ROBO1: variants seen among roughly 807,000 people sequenced by gnomAD.
ROBO1 encodes roundabout homolog 1.
A neutral mutation model predicts 195.9 loss-of-function variants in ROBO1; 149 were observed. That is an observed-to-expected ratio of 0.76 (90% CI 0.67 to 0.87). The LOEUF (loss-of-function observed/expected upper bound fraction) is 0.87. ROBO1 is among the 40% of genes least tolerant of loss of function. The pLI, the probability that ROBO1 is intolerant of heterozygous loss-of-function variation, is 0.00. For synonymous variants in ROBO1, 816 were observed against 733.2 expected, an observed-to-expected ratio of 1.11 and a Z score of -1.82; for missense variants, 1,933 against 2,068.3, an observed-to-expected ratio of 0.93 and a Z score of 1.27.
chr3:78,835,748 T>C (rs2032656685), intron 4 of ROBO1, among the ~76,000 whole-genome samples: 1 of 152,196 alleles, frequency 6.6e-6, no homozygotes, highest in South Asian at 2.1e-4. Context: ...TACATCTCAA[T>C]GTAGTAAGAC....
chr3:79,263,361 G>A (rs573842643), intron 2 of ROBO1, among the ~76,000 whole-genome samples: 1 of 151,976 alleles, frequency 6.6e-6, no homozygotes, highest in Non-Finnish European at 1.5e-5. Flanking sequence ...GCTTTCTCAA[G>A]ATCAGGGCTG....
chr3:78,925,809 G>T (rs190444500), intron 4 of ROBO1, among the ~76,000 whole-genome samples: 78 of 152,146 alleles, frequency 5.1e-4, no homozygotes, highest in Non-Finnish European at 8.8e-4. Flanking sequence ...GGTGTGGGAG[G>T]AGTGGGGATA....
intron 4 of ROBO1, among the ~76,000 whole-genome samples, chr3:78,871,333 T>C (rs1386818125): frequency 6.6e-6 from 1 of 152,226 alleles, no homozygotes; most frequent in African/African-American, 2.4e-5. Flanking sequence ...GTTTCATTTT[T>C]ATTATGTAAT....
intron 2 of ROBO1, among the ~76,000 whole-genome samples, chr3:79,179,229 C>T (rs1021446059): frequency 1.3e-5 from 2 of 152,160 alleles, no homozygotes; most frequent in Non-Finnish European, 2.9e-5. Flanking sequence ...TTCAATGTTA[C>T]AGATACTAGT....
chr3:79,043,090 A>G (rs998137274), intron 3 of ROBO1, among the ~76,000 whole-genome samples: 3 of 152,160 alleles, frequency 2.0e-5, no homozygotes, highest in African/African-American at 7.2e-5. Context: ...CTAATTTAAC[A>G]TTTTATAACA....
At chr3:79,276,489 TAAATC>T (rs1184945685) in intron 2 of ROBO1, among the ~76,000 whole-genome samples, 1 of 151,990 alleles carries the variant, frequency 6.6e-6, no homozygotes, top group Admixed American at 6.6e-5. Context: ...ATTAAAGACT[TAAATC>T]TAAGACCTCA....
chr3:79,592,618 C>CTTCCCTGACACTATTCCA, intron 1 of ROBO1, among the ~76,000 whole-genome samples: 1 of 152,048 alleles, frequency 6.6e-6, no homozygotes, highest in South Asian at 2.1e-4. Context: ...CATTCACTTC[C>CTTCCCTGACACTATTCCA]TTCCCTGACA....
chr3:78,989,239 T>C (rs572665331), intron 3 of ROBO1, among the ~76,000 whole-genome samples: 138 of 152,350 alleles, frequency 9.1e-4, no homozygotes, highest in Non-Finnish European at 1.6e-3. Flanking sequence ...TTACCATACA[T>C]TATATGTATT....
Position 78,841,740 on chromosome 3 carries a change from G to C in ROBO1, c.500-94840C>G, listed in dbSNP as rs376827641. ...AAATATTTGCAATTCCTATGACATA[G>C]CCAATTTCCCTAATATATGAAGAAC... On this transcript the variant is annotated intron_variant, in intron 4 of 30. Transcript: ENST00000464233. Among the ~76,000 whole-genome samples the C allele has an allele frequency of 1.5e-4, 23 of 152,152 alleles. No homozygotes were observed. In the South Asian group the frequency reaches 4.8e-3, roughly 32 times the overall value.
chr3:79,073,418 C>A (rs2079120664), intron 3 of ROBO1, among the ~76,000 whole-genome samples: 1 of 151,712 alleles, frequency 6.6e-6, no homozygotes, highest in Non-Finnish European at 1.5e-5. Context: ...ATATGGGAAC[C>A]ATCAAGAATA....
intron 2 of ROBO1, among the ~76,000 whole-genome samples, chr3:79,560,533 A>T (rs888432121): frequency 1.8e-4 from 20 of 109,622 alleles, no homozygotes; most frequent in African/African-American, 4.5e-4. Context: ...TAATAATAAT[A>T]ATTATATATA....
intron 3 of ROBO1, among the ~76,000 whole-genome samples, chr3:79,069,830 C>T (rs115228150): frequency 6.6e-6 from 1 of 151,886 alleles, no homozygotes; most frequent in South Asian, 2.1e-4. Context: ...TATATGAGAA[C>T]AATTCCCAGA....
chr3:78,598,347 C>T lies in ROBO1; in HGVS notation c.*566G>A, dbSNP rs1403090686. On this transcript the variant is annotated 3_prime_UTR_variant, in exon 31 of 31. Coordinates refer to ENST00000464233, the MANE Select transcript of ROBO1 (RefSeq NM_002941.4). The stretch of plus-strand genomic sequence containing the variant: ...ATATTTACAATGTTTCTACCCCATT[C>T]GAATTGTTTGTGGTTCTGCATTTGC... The T allele has an allele frequency of 2.0e-5, 3 of 152,424 alleles. No individual in the cohort carries two copies. The highest frequency in any genetic ancestry group is 2.1e-4 in the South Asian group (1 of 4,824). 9.4% of individuals were successfully genotyped at this position (152,424 alleles called of 1,614,324 possible). A position where few individuals can be genotyped will look rare whatever the true frequency, so the allele number is the denominator to read the frequency against.
At chr3:78,877,756 T>C (rs373135833) in intron 4 of ROBO1, among the ~76,000 whole-genome samples, 14 of 152,294 alleles carry the variant, frequency 9.2e-5, no homozygotes, top group East Asian at 7.7e-4. Context: ...AATGAAATAT[T>C]ATTCAACAAT....
At position 78,886,759 on chromosome 3, in the gene ROBO1, CATATT is replaced by C. The variant is rs201207244; in HGVS notation, c.499+51837_499+51841del. Among the ~76,000 whole-genome samples, 611 of 152,074 alleles carry C rather than the reference CATATT, an allele frequency of 4.0e-3. 12 individuals carry two copies. The highest frequency in any genetic ancestry group is 0.013 in the African/African-American group (531 of 41,476). On this transcript the variant is annotated intron_variant, in intron 4 of 30. Transcript: ENST00000464233. Reference sequence around the variant, plus strand: ...TATATGAAGCCCCATTGAAATAATACATATTATATGATTATACTTATACAAAGATA... The same window carrying C: ...TATATGAAGCCCCATTGAAATAATACATATGATTATACTTATACAAAGATA...
chr3:79,262,513 A>G (rs1356308922), intron 2 of ROBO1, among the ~76,000 whole-genome samples: 1 of 152,096 alleles, frequency 6.6e-6, no homozygotes, highest in Non-Finnish European at 1.5e-5. Flanking sequence ...TACTGCATCA[A>G]CTAAGCTATA....
intron 2 of ROBO1, among the ~76,000 whole-genome samples, chr3:79,551,980 TAAAAAAAAAAAAAAAAAAA>T (rs771824432): frequency 1.1e-3 from 47 of 44,262 alleles, no homozygotes; most frequent in African/African-American, 3.5e-3. Flanking sequence ...TCTACAGAGT[TAAAAAAAAAAAAAAAAAAA>T]AAAAAAAAAA....
chr3:79,529,488 C>G (rs1239877866), intron 2 of ROBO1, among the ~76,000 whole-genome samples: 2 of 152,052 alleles, frequency 1.3e-5, no homozygotes, highest in Non-Finnish European at 2.9e-5. Context: ...AACAAACAAA[C>G]AACAACAATA....
chr3:79,594,995 C>CT (rs1944118933), intron 1 of ROBO1, among the ~76,000 whole-genome samples: 1 of 151,834 alleles, frequency 6.6e-6, no homozygotes. Context: ...GGGTGTAGTT[C>CT]AATTTTGACA....
Sources: allele counts gnomAD v4.1 joint callset (sites outside exome capture counted in the v4.1 genomes callset), GRCh38; gene constraint gnomAD v4.1.1; transcripts MANE v1.5; gene names NCBI Gene and HGNC (gene_info 2026-07-23, HGNC 2026-07-21).